The following CD300A variants were observed in gnomAD, a reference collection of about 807,000 sequenced individuals.
CD300A encodes the protein CMRF35-like molecule 8.
In CD300A, 22 loss-of-function variants were observed where a neutral mutation model predicts 33.6. The ratio of observed to expected loss-of-function variants is 0.66; its 90% confidence interval spans 0.47 to 0.94. The LOEUF is 0.94. Among genes scored for constraint, CD300A ranks in the 40% least tolerant of loss-of-function variants. The probability of loss-of-function intolerance (pLI) is 0.00; values close to 1 mark genes in which losing one functional copy is unlikely to be tolerated. For synonymous variants in CD300A, 136 were observed against 148.1 expected (o/e 0.92, Z 0.59); for missense variants, 326 against 360.5 (o/e 0.90, Z 0.77).
chr17:74,483,919 T>C, intron 6 of CD300A, 82 bp from the exon 7 acceptor site: 1 of 1,524,344 alleles, frequency 6.6e-7, no homozygotes, highest in Non-Finnish European at 8.9e-7. Flanking sequence ...CCCTCAGGTG[T>C]CCTCCCTCCT....
intron 2 of CD300A, 43 bp from the exon 3 acceptor site, chr17:74,474,489 C>T: frequency 6.2e-7 from 1 of 1,604,104 alleles, no homozygotes; most frequent in South Asian, 1.1e-5. Context: ...GTGGGAGAGC[C>T]AGAGGACAGC....
At chr17:74,472,405 A>G (rs1906165068) in intron 1 of CD300A, among the ~76,000 whole-genome samples, 1 of 152,174 alleles carries the variant, frequency 6.6e-6, no homozygotes, top group Non-Finnish European at 1.5e-5. Context: ...GGCAGGGGCC[A>G]TGTGTCCTCT....
chr17:74,481,431 G>A lies in CD300A; in HGVS notation c.666+105G>A, dbSNP rs190207364. On this transcript the variant is annotated intron_variant, in intron 5 of 6. Coordinates refer to ENST00000360141, the MANE Select transcript of CD300A (RefSeq NM_007261.4). ...CGGCCAACGGAGGTTGGATGGAGCG[G>A]GGAGCTCACCCAGAGCAGGACGAAT... is the stretch of plus-strand genomic sequence containing the variant. 3.1e-4 allele frequency: 329 copies of A among 1,046,644 alleles called. No homozygotes were observed. In the African/African-American group the frequency reaches 4.6e-3, roughly 15 times the overall value. 64.8% of individuals were successfully genotyped at this position (1,046,644 alleles called of 1,614,324 possible).
intron 3 of CD300A, among the ~76,000 whole-genome samples, chr17:74,476,314 T>G (rs181203857): frequency 6.6e-6 from 1 of 152,310 alleles, no homozygotes; most frequent in Admixed American, 6.5e-5. Context: ...AGAGCCTCCC[T>G]CCTAAGAGCT....
chr17:74,473,092 G>A (rs774000248), intron 1 of CD300A, among the ~76,000 whole-genome samples: 11 of 152,096 alleles, frequency 7.2e-5, no homozygotes, highest in Non-Finnish European at 1.3e-4. Flanking sequence ...GAAGCAGGAG[G>A]CCCCTGGTGG....
intron 2 of CD300A, 37 bp downstream of exon 2, chr17:74,473,911 A>C (rs748899505): frequency 1.3e-6 from 2 of 1,589,110 alleles, no homozygotes; most frequent in South Asian, 2.3e-5. Context: ...AAATAGGCTC[A>C]GGTTGGAATT....
intron 5 of CD300A, 112 bp downstream of exon 5, chr17:74,481,438 CA>C (rs1906840871): frequency 2.1e-6 from 2 of 971,750 alleles, no homozygotes; most frequent in African/African-American, 1.6e-5. Flanking sequence ...GCGGGGAGCT[CA>C]CCCAGAGCAG....
Position 74,480,879 on chromosome 17 carries a change from C to G in CD300A, c.629-410C>G, listed in dbSNP as rs934149569. ...TCTCCTGTCTCAGCCTCCCAAGTAG[C>G]TGGGACTACAGGGCGTGTGCCACCA... On this transcript the variant is annotated intron_variant, in intron 4 of 6. Transcript: ENST00000360141. This position sits in a 1 kb window ranked among gnomAD's most constrained non-coding sequence, Gnocchi z 4.2. 6.6e-6 allele frequency among the ~76,000 whole-genome samples: 1 copy of G among 152,184 alleles called. No homozygotes were observed. The highest frequency in any genetic ancestry group is 2.4e-5 in the African/African-American group (1 of 41,452).
intron 1 of CD300A, 190 bp downstream of exon 1, chr17:74,466,933 G>A (rs1905750710): frequency 6.2e-6 from 9 of 1,446,304 alleles, no homozygotes; most frequent in East Asian, 2.5e-5. Context: ...AGGAGCCAGG[G>A]CCTCTCCCGG....
At chr17:74,479,268 A>C (rs1192189502) in intron 4 of CD300A, among the ~76,000 whole-genome samples, 1 of 151,168 alleles carries the variant, frequency 6.6e-6, no homozygotes, top group Non-Finnish European at 1.5e-5. Flanking sequence ...ACAGAGTCTC[A>C]CTCTGTCACC....
Position 74,484,186 on chromosome 17 carries a change from C to A in CD300A, c.*60C>A. On this transcript the variant is annotated 3_prime_UTR_variant, in exon 7 of 7. Coordinates refer to ENST00000360141, the MANE Select transcript of CD300A (RefSeq NM_007261.4). ...GGCCCCAGGAAGTCCAGGGACAGCT[C>A]CCTTATACCTGGCCCACGTCCTTCT... 6.3e-7 allele frequency: 1 copy of A among 1,579,708 alleles called. No individual in the cohort carries two copies. The highest frequency in any genetic ancestry group is 8.7e-7 in the Non-Finnish European group (1 of 1,155,236).
At chr17:74,468,121 G>A (rs577754837) in intron 1 of CD300A, among the ~76,000 whole-genome samples, 4 of 151,726 alleles carry the variant, frequency 2.6e-5, no homozygotes, top group Non-Finnish European at 4.4e-5. Flanking sequence ...TGCAACCTAC[G>A]CCTCCCAGGT....
intron 6 of CD300A, among the ~76,000 whole-genome samples, chr17:74,482,678 G>GTTCCTTCCTTCC (rs200839026): frequency 7.7e-5 from 10 of 129,560 alleles, no homozygotes; most frequent in Admixed American, 1.4e-4. Flanking sequence ...TCCTGGCCAA[G>GTTCCTTCCTTCC]TTCCTTCCTT....
chr17:74,480,908 C>T lies in CD300A; in HGVS notation c.629-381C>T, dbSNP rs941447626. 1.3e-5 allele frequency among the ~76,000 whole-genome samples: 2 copies of T among 152,096 alleles called. No homozygotes were observed. Among genetic ancestry groups the T allele is most frequent in the African/African-American group, 4.8e-5 (2 of 41,404 alleles). On this transcript the variant is annotated intron_variant, in intron 4 of 6. Coordinates refer to ENST00000360141, the MANE Select transcript of CD300A (RefSeq NM_007261.4). The surrounding 1 kb of genome is among the most constrained non-coding windows in gnomAD (Gnocchi z 4.2). ...GACTACAGGGCGTGTGCCACCATGC[C>T]CAGCTAATATTTGTATTTTTAGTAG...
chr17:74,466,785 A>G (rs904821223), intron 1 of CD300A, 42 bp downstream of exon 1: 2 of 1,564,810 alleles, frequency 1.3e-6, no homozygotes, highest in African/African-American at 2.7e-5. Flanking sequence ...GCAGGGAGGG[A>G]GGGTGCGAGG....
chr17:74,477,579 C>A, intron 4 of CD300A, 49 bp downstream of exon 4: 1 of 1,257,948 alleles, frequency 7.9e-7, no homozygotes, highest in Non-Finnish European at 1.2e-6. Flanking sequence ...TGGTCAGACC[C>A]TGACCACAGA....
rs372925371 is a variant in CD300A at position 74,473,621 on chromosome 17, C to A, written c.126C>A (p.His42Gln). Reference sequence around the variant, plus strand: ...TGCAGTGTCCCTATGAGAAGGAACACAGGACCCTCAACAAATACTGGTGCA... The same window carrying A: ...TGCAGTGTCCCTATGAGAAGGAACAAAGGACCCTCAACAAATACTGGTGCA... ...LSVQCPYEKE[H>Q]RTLNKYWCRP... is the part of the protein sequence containing the mutation. The change falls in exon 2 of 7, where the codon CAC becomes CAA. Residue 42 changes from histidine to glutamine, a missense_variant. Physicochemically the swap from His to Gln is conservative, Grantham distance 24. Transcript: ENST00000360141. The A allele has an allele frequency of 6.2e-7, 1 of 1,614,108 alleles. No individual in the cohort carries two copies. Among genetic ancestry groups the A allele is most frequent in the African/African-American group, 1.3e-5 (1 of 74,928 alleles).
At chr17:74,481,617 G>A (rs1906852718) in intron 5 of CD300A, 109 bp from the exon 6 acceptor site, 3 of 782,618 alleles carry the variant, frequency 3.8e-6, no homozygotes, top group Non-Finnish European at 6.3e-6. Flanking sequence ...AGGGGAAGGT[G>A]GGGGCTGAGG....
At chr17:74,476,067 G>A (rs1022104523) in intron 3 of CD300A, among the ~76,000 whole-genome samples, 1 of 152,174 alleles carries the variant, frequency 6.6e-6, no homozygotes, top group Non-Finnish European at 1.5e-5. Context: ...GCTCCTCCAA[G>A]CTTTGGTGTC....
Sources: allele counts gnomAD v4.1 joint callset (sites outside exome capture counted in the v4.1 genomes callset), GRCh38; gene constraint gnomAD v4.1.1; non-coding constraint Gnocchi (gnomAD v3.1); transcripts MANE v1.5; gene names NCBI Gene and HGNC (gene_info 2026-07-23, HGNC 2026-07-21).